The following UBN2 variants were observed in gnomAD, a reference collection of about 807,000 sequenced individuals.
UBN2 encodes ubinuclein 2.
A neutral mutation model predicts 120.2 loss-of-function variants in UBN2; 35 were observed. That is an observed-to-expected ratio of 0.29 (90% CI 0.22 to 0.39). The LOEUF (loss-of-function observed/expected upper bound fraction) is 0.39. UBN2 is among the 10% of genes least tolerant of loss of function. The pLI, the probability that UBN2 is intolerant of heterozygous loss-of-function variation, is 1.00. For synonymous variants in UBN2, 661 were observed against 648.7 expected (o/e 1.02, Z -0.29); for missense variants, 1,693 against 1,663.2 (o/e 1.02, Z -0.31).
In UBN2 at chr7:139,307,595, G is replaced by C. The variant is rs1427491166; in HGVS notation, c.*9759G>C. 2 of 152,140 alleles carry C rather than the reference G, an allele frequency of 1.3e-5. No individual in the cohort carries two copies. Among genetic ancestry groups the C allele is most frequent in the South Asian group, 2.1e-4 (1 of 4,824 alleles). 9.4% of individuals were successfully genotyped at this position (152,140 alleles called of 1,614,324 possible). A position where few individuals can be genotyped will look rare whatever the true frequency, so the allele number is the denominator to read the frequency against. Reference sequence around the variant, plus strand: ...GCTCTTTTGAGATGAACTGGTGCTTGTTTAATTTCCAGCTCAAATCGGAGC... The same window carrying C: ...GCTCTTTTGAGATGAACTGGTGCTTCTTTAATTTCCAGCTCAAATCGGAGC... On this transcript the variant is annotated 3_prime_UTR_variant, in exon 18 of 18. Transcript: ENST00000473989.
At chr7:139,295,231 G>A (rs964219853) in intron 17 of UBN2, among the ~76,000 whole-genome samples, 1 of 152,172 alleles carries the variant, frequency 6.6e-6, no homozygotes, top group African/African-American at 2.4e-5. Flanking sequence ...GTGGTGAGCT[G>A]TCTCAGTCTT....
At chr7:139,232,366 G>GC (rs1269046319) in intron 1 of UBN2, among the ~76,000 whole-genome samples, 1 of 152,184 alleles carries the variant, frequency 6.6e-6, no homozygotes, top group East Asian at 1.9e-4. Context: ...TGGGGGACAC[G>GC]CCCCCCAGTC....
At chr7:139,265,348 C>T (rs553688929) in intron 6 of UBN2, among the ~76,000 whole-genome samples, 1 of 152,134 alleles carries the variant, frequency 6.6e-6, no homozygotes, top group Non-Finnish European at 1.5e-5. Flanking sequence ...CGTGGTGACA[C>T]ACACCTGTAG....
Position 139,274,094 on chromosome 7 carries a change from G to T in UBN2, c.1973+20G>T. The T allele has an allele frequency of 6.4e-7, 1 of 1,567,168 alleles. No individual in the cohort carries two copies. The highest frequency in any genetic ancestry group is 2.1e-5 in the Admixed American group (1 of 46,814). On this transcript the variant is annotated intron_variant, in intron 11 of 17. Coordinates refer to ENST00000473989, the MANE Select transcript of UBN2 (RefSeq NM_173569.4). ...GGCAAGGTAAGAAATGTGACTTACT[G>T]GATTTTATTTTATTTTATTATTATT...
intron 6 of UBN2, among the ~76,000 whole-genome samples, chr7:139,262,907 T>C (rs1315212828): frequency 6.6e-6 from 1 of 152,132 alleles, no homozygotes; most frequent in Non-Finnish European, 1.5e-5. Context: ...GCTAATGATG[T>C]AATTCAGGTT....
intron 16 of UBN2, 37 bp from the exon 17 acceptor site, chr7:139,293,852 G>T (rs189035298): frequency 6.3e-7 from 1 of 1,592,576 alleles, no homozygotes; most frequent in East Asian, 2.2e-5. Flanking sequence ...CTCAAATCTG[G>T]ATTTAAAGAT....
In UBN2 at chr7:139,283,637, C is replaced by G. The variant is rs372711368; in HGVS notation, c.2732C>G (p.Ala911Gly). 3.1e-6 allele frequency: 5 copies of G among 1,614,072 alleles called. No homozygotes were observed. In the African/African-American group the frequency reaches 6.7e-5, roughly 22 times the overall value. ...SQAQIAASSH[A>G]LGTSEAQDAS... The stretch of plus-strand genomic sequence containing the variant: ...GCCCAAATTGCTGCCTCTTCTCATG[C>G]TCTGGGAACATCCGAGGCCCAAGAT... Residue 911 changes from alanine (A) to glycine (G), a missense_variant, in exon 15 of 18, where the codon GCT becomes GGT. Transcript: ENST00000473989.
intron 7 of UBN2, among the ~76,000 whole-genome samples, chr7:139,268,940 C>T (rs1797180240): frequency 6.6e-6 from 1 of 152,192 alleles, no homozygotes; most frequent in Non-Finnish European, 1.5e-5. Flanking sequence ...CAGTGGCTCA[C>T]ACCTGTAATC....
chr7:139,310,395 A>G (rs537600921), downstream of UBN2, among the ~76,000 whole-genome samples: 41 of 152,290 alleles, frequency 2.7e-4, no homozygotes, highest in African/African-American at 9.4e-4. Flanking sequence ...CTTACCCACA[A>G]TCCCATCTTC....
chr7:139,262,726 A>C (rs1796976245), intron 6 of UBN2, among the ~76,000 whole-genome samples: 1 of 151,784 alleles, frequency 6.6e-6, no homozygotes, highest in South Asian at 2.1e-4. Context: ...AAAAAAAAAA[A>C]AAACCCAAAT....
At chr7:139,260,873 T>C (rs1053255134) in intron 5 of UBN2, among the ~76,000 whole-genome samples, 1 of 152,216 alleles carries the variant, frequency 6.6e-6, no homozygotes, top group African/African-American at 2.4e-5. Flanking sequence ...CAGGCACTGA[T>C]ACAGGGTTTG....
At chr7:139,289,568 T>C (rs551082659) in intron 15 of UBN2, among the ~76,000 whole-genome samples, 19 of 151,554 alleles carry the variant, frequency 1.3e-4, no homozygotes, top group East Asian at 9.8e-4. Context: ...GACGCCACCA[T>C]GCCCAGCTAA....
intron 7 of UBN2, among the ~76,000 whole-genome samples, chr7:139,266,944 A>G (rs1797115978): frequency 6.6e-6 from 1 of 152,318 alleles, no homozygotes; most frequent in South Asian, 2.1e-4. Flanking sequence ...GAAGGTAGAT[A>G]TATAATATAG....
intron 7 of UBN2, among the ~76,000 whole-genome samples, chr7:139,268,804 CAT>C (rs1000724831): frequency 6.6e-6 from 1 of 152,132 alleles, no homozygotes; most frequent in African/African-American, 2.4e-5. Flanking sequence ...TACCCAAAAC[CAT>C]AGAGTTTGCC....
At chr7:139,329,402 T>C in the UBN2 span, among the ~76,000 whole-genome samples, 1 of 148,378 alleles carries the variant, frequency 6.7e-6, no homozygotes. Context: ...AAAAAAAAAA[T>C]TACTGTTGCT....
intron 2 of UBN2, among the ~76,000 whole-genome samples, chr7:139,249,626 C>T (rs75252689): frequency 0.036 from 5,532 of 152,280 alleles, 146 homozygotes; most frequent in Non-Finnish European, 0.057. Context: ...GCATCTCATG[C>T]TCTCTACAAG....
At chr7:139,313,922 C>T in the UBN2 span, among the ~76,000 whole-genome samples, 1 of 151,282 alleles carries the variant, frequency 6.6e-6, no homozygotes. Context: ...AATCTCAGCT[C>T]ATTGCAACCT....
intron 12 of UBN2, chr7:139,276,511 A>G: frequency 7.9e-6 from 2 of 253,532 alleles, no homozygotes; most frequent in East Asian, 1.0e-4. Context: ...GGACAGATCC[A>G]TATGCACACC....
At chr7:139,292,722 C>T (rs1156841451) in intron 15 of UBN2, among the ~76,000 whole-genome samples, 4 of 152,086 alleles carry the variant, frequency 2.6e-5, no homozygotes, top group South Asian at 2.1e-4. Context: ...AAGTTCTACA[C>T]GGTGAGAATT....
Sources: gnomAD v4.1 joint callset for allele counts (sites outside exome capture counted in the v4.1 genomes callset) on GRCh38, gnomAD v4.1.1 for gene constraint, MANE v1.5 for transcripts, NCBI Gene and HGNC (gene_info 2026-07-23, HGNC 2026-07-21) for gene names.